Variants in TFRC observed in about 807,000 individuals in gnomAD.
TFRC encodes transferrin receptor, also known as transferrin receptor protein 1.
In TFRC, 35 loss-of-function variants were observed where a neutral mutation model predicts 85.8. The ratio of observed to expected loss-of-function variants is 0.41; its 90% CI spans 0.31 to 0.54. TFRC has a LOEUF of 0.54. Among genes scored for constraint, TFRC ranks in the 20% least tolerant of loss-of-function variants. The probability of loss-of-function intolerance (pLI) is 0.31; values close to 1 mark genes in which losing one functional copy is unlikely to be tolerated. For missense variants in TFRC, 828 were observed against 921.5 expected (o/e 0.90, Z 1.31); for synonymous variants, 362 against 328.6 (o/e 1.10, Z -1.10).
At chr3:196,066,954 C>T (rs1263629975) in intron 9 of TFRC, among the ~76,000 whole-genome samples, 2 of 152,120 alleles carry the variant, frequency 1.3e-5, no homozygotes, top group South Asian at 2.1e-4. Context: ...ATTAATGCTA[C>T]GTACTCTAAT....
At chr3:196,080,618 A>G (rs552082225) in intron 1 of TFRC, among the ~76,000 whole-genome samples, 1 of 152,392 alleles carries the variant, frequency 6.6e-6, no homozygotes, top group Admixed American at 6.5e-5. Flanking sequence ...ATACATTATC[A>G]GAGGCAAGTA....
chr3:196,067,152 G>A (rs572594927), intron 9 of TFRC, among the ~76,000 whole-genome samples: 80 of 152,322 alleles, frequency 5.3e-4, no homozygotes, highest in Middle Eastern at 3.4e-3. Context: ...GGATGTTTCG[G>A]GGAATAGGAT....
At chr3:196,058,082 T>C (rs1342667044) in intron 16 of TFRC, 1 of 422,646 alleles carries the variant, frequency 2.4e-6, no homozygotes, top group Non-Finnish European at 4.3e-6. Context: ...GTTATTGATC[T>C]TGGTAGCCAA....
Position 196,067,668 on chromosome 3 carries a change from A to C in TFRC, c.901-11T>G, listed in dbSNP as rs777559392. On this transcript the variant is annotated splice_polypyrimidine_tract_variant and intron_variant, in intron 8 of 18. Transcript: ENST00000360110. ...TGTCCCCAGATGAGCCTAGGAAAAC[A>C]AAAGAGCAATTCACTCCATCACATA... is the stretch of plus-strand genomic sequence containing the variant. The C allele has an allele frequency of 4.0e-5, 65 of 1,612,294 alleles. No homozygotes were observed. The highest frequency in any genetic ancestry group is 2.2e-4 in the Admixed American group (13 of 59,606).
In TFRC at chr3:196,067,619, G is replaced by A. The variant is rs1193005669; in HGVS notation, c.939C>T (p.Phe313=). 1.2e-6 allele frequency: 2 copies of A among 1,614,148 alleles called. No homozygotes were observed. The highest frequency in any genetic ancestry group is 2.2e-5 in the South Asian group (2 of 91,086). The change falls in exon 9 of 19, where the codon TTC becomes TTT. Residue 313 remains phenylalanine, a synonymous_variant. Coordinates refer to ENST00000360110, the MANE Select transcript of TFRC (RefSeq NM_001128148.3). ...LGTGDPYTPG[F]PSFNHTQFPP... Reference sequence around the variant, plus strand: ...GAAACTGAGTGTGATTGAAGGAAGGGAATCCAGGTGTGTAAGGGTCACCTG... The same window carrying A: ...GAAACTGAGTGTGATTGAAGGAAGGAAATCCAGGTGTGTAAGGGTCACCTG...
chr3:196,072,199 TA>T, intron 4 of TFRC, 47 bp from the exon 5 acceptor site: 1 of 1,596,414 alleles, frequency 6.3e-7, no homozygotes, highest in Non-Finnish European at 8.5e-7. Context: ...TACTTTAAAA[TA>T]AACATTTAAG....
At chr3:196,078,906 T>C (rs1464168808) in intron 1 of TFRC, among the ~76,000 whole-genome samples, 1 of 151,740 alleles carries the variant, frequency 6.6e-6, no homozygotes, top group African/African-American at 2.4e-5. Context: ...TCCGAGTAGC[T>C]GGGATTACAG....
intron 6 of TFRC, among the ~76,000 whole-genome samples, chr3:196,071,083 C>T (rs1560084523): frequency 1.3e-5 from 2 of 152,192 alleles, no homozygotes; most frequent in Non-Finnish European, 2.9e-5. Flanking sequence ...CAGGCATTCT[C>T]CAAAGCTCTG....
At position 196,075,352 on chromosome 3, in the gene TFRC, T is replaced by A. The variant is rs1334014891; in HGVS notation, c.45A>T (p.Gly15=). The change falls in exon 3 of 19, where the codon GGA becomes GGT. Residue 15 remains glycine (G), a synonymous_variant. Transcript: ENST00000360110. ...ARSAFSNLFG[G]EPLSYTRFSL... ...TGAACCGGGTATATGACAATGGTTC[T>A]CCACCAAACTGTGTTGCGGAAAAAG... 6.2e-7 allele frequency: 1 copy of A among 1,614,020 alleles called. No homozygotes were observed. The highest frequency in any genetic ancestry group is 8.5e-7 in the Non-Finnish European group (1 of 1,180,008).
intron 7 of TFRC, among the ~76,000 whole-genome samples, chr3:196,068,573 T>C (rs1258544635): frequency 1.2e-4 from 14 of 121,110 alleles, no homozygotes; most frequent in African/African-American, 4.2e-4. Context: ...ATTGCGCCAC[T>C]GCACTCCAGC....
Position 196,062,859 on chromosome 3 carries a change from G to C in TFRC, c.1399C>G (p.Leu467Val). Residue 467 changes from leucine to valine, a missense_variant, in exon 12 of 19, where the codon CTA becomes GTA. Leu to Val is a conservative substitution (Grantham distance 32, BLOSUM62 1). Transcript: ENST00000360110. ...GAAGGGATGATAAAGAATACCTCTAGCCATTCAGTGGCACCAACCGATCCA... is the reference window on the plus strand; with the variant it reads ...GAAGGGATGATAAAGAATACCTCTACCCATTCAGTGGCACCAACCGATCCA... The part of the protein sequence containing the change: ...DFGSVGATEW[L>V]EGYLSSLHLK... The C allele has an allele frequency of 6.2e-6, 10 of 1,613,870 alleles. No homozygotes were observed. Among genetic ancestry groups the C allele is most frequent in the Non-Finnish European group, 8.5e-6 (10 of 1,179,812 alleles).
At chr3:196,065,784 G>A (rs1018290698) in intron 9 of TFRC, among the ~76,000 whole-genome samples, 184 bp from the exon 10 acceptor site, 10 of 152,086 alleles carry the variant, frequency 6.6e-5, no homozygotes, top group African/African-American at 2.4e-4. Context: ...AAGGTCAGGA[G>A]TTCAAGACCA....
chr3:196,078,862 C>A (rs1269275175), intron 1 of TFRC, among the ~76,000 whole-genome samples: 1 of 151,492 alleles, frequency 6.6e-6, no homozygotes, highest in Non-Finnish European at 1.5e-5. Flanking sequence ...GCAACCTCCC[C>A]CTCCCGGGTT....
intron 1 of TFRC, 138 bp from the exon 2 acceptor site, chr3:196,077,260 T>C: frequency 1.7e-6 from 1 of 586,108 alleles, no homozygotes. Context: ...AACCATAGTT[T>C]ACATGACAAC....
intron 16 of TFRC, chr3:196,055,705 C>T (rs1366229961): frequency 7.6e-6 from 2 of 263,932 alleles, no homozygotes; most frequent in East Asian, 1.9e-4. Context: ...TGCAGTGATG[C>T]AATCACGACT....
At chr3:196,072,358 A>G (rs1472317398) in intron 4 of TFRC, among the ~76,000 whole-genome samples, 2 of 152,216 alleles carry the variant, frequency 1.3e-5, no homozygotes. Flanking sequence ...AAGCTTCTTT[A>G]CCCACTACAA....
intron 9 of TFRC, among the ~76,000 whole-genome samples, chr3:196,066,292 G>A (rs1717737730): frequency 6.6e-6 from 1 of 151,980 alleles, no homozygotes; most frequent in Non-Finnish European, 1.5e-5. Context: ...TCTTAGCTCA[G>A]TTATAAAAAA....
intron 13 of TFRC, 116 bp downstream of exon 13, chr3:196,062,464 CAG>C: frequency 1.2e-6 from 1 of 857,536 alleles, no homozygotes; most frequent in Non-Finnish European, 1.9e-6. Context: ...ATCTGGGAGA[CAG>C]AGGTTGCAGT....
chr3:196,078,459 C>T (rs770635712), intron 1 of TFRC, among the ~76,000 whole-genome samples: 1 of 152,092 alleles, frequency 6.6e-6, no homozygotes, highest in African/African-American at 2.4e-5. Flanking sequence ...GAGTTTGAGA[C>T]CAGCCTGGCC....
Sources: gnomAD v4.1 joint callset for allele counts (sites outside exome capture counted in the v4.1 genomes callset) on GRCh38, gnomAD v4.1.1 for gene constraint, MANE v1.5 for transcripts, NCBI Gene and HGNC (gene_info 2026-07-23, HGNC 2026-07-21) for gene names.